Variants in PTGER3 observed in about 807,000 individuals in gnomAD.
The protein encoded by PTGER3 is prostaglandin E receptor 3.
In PTGER3, 22 loss-of-function variants were observed where a neutral mutation model predicts 34.7. The ratio of observed to expected loss-of-function variants is 0.63; its 90% CI spans 0.45 to 0.91. The LOEUF (loss-of-function observed/expected upper bound fraction) is 0.91, where lower values mean the gene tolerates loss of function less well. Ranked by LOEUF, PTGER3 falls within the 40% of genes least tolerant of loss-of-function variation. The probability of loss-of-function intolerance (pLI) is 0.00; values close to 1 mark genes in which losing one functional copy is unlikely to be tolerated. For synonymous variants in PTGER3, 241 were observed against 230.1 expected, an observed-to-expected ratio of 1.05 and a Z score of -0.43; for missense variants, 468 against 519.4, an observed-to-expected ratio of 0.90 and a Z score of 0.96.
chr1:70,976,290 C>CAGCAAATGTTTGGAATT (rs1653691744), intron 2 of PTGER3, among the ~76,000 whole-genome samples: 1 of 152,000 alleles, frequency 6.6e-6, no homozygotes, highest in Non-Finnish European at 1.5e-5. Flanking sequence ...TTTTTCCAAA[C>CAGCAAATGTTTGGAATT]CCATGGAATG....
chr1:70,853,007 C>G, intron 4 of PTGER3: 1 of 953,524 alleles, frequency 1.0e-6, no homozygotes. Flanking sequence ...AGAACAAGAA[C>G]AAGAACGAAG....
intron 4 of PTGER3, among the ~76,000 whole-genome samples, chr1:70,921,694 CT>C (rs1269469816): frequency 1.3e-5 from 2 of 152,132 alleles, no homozygotes; most frequent in African/African-American, 4.8e-5. Context: ...AAGTTTCCCT[CT>C]TGTCTCTTGT....
intron 4 of PTGER3, among the ~76,000 whole-genome samples, chr1:70,885,635 T>C (rs1189036126): frequency 6.6e-6 from 1 of 152,110 alleles, no homozygotes; most frequent in Non-Finnish European, 1.5e-5. Context: ...CAAGGATGAA[T>C]TTAGAAACTT....
intron 4 of PTGER3, among the ~76,000 whole-genome samples, chr1:70,925,803 G>T (rs905233061): frequency 1.3e-5 from 2 of 152,164 alleles, no homozygotes; most frequent in Non-Finnish European, 2.9e-5. Flanking sequence ...AGATGAAACA[G>T]TTCTGGCAAT....
intron 2 of PTGER3, among the ~76,000 whole-genome samples, chr1:70,960,641 A>T (rs1651836638): frequency 6.6e-6 from 1 of 152,142 alleles, no homozygotes; most frequent in African/African-American, 2.4e-5. Flanking sequence ...GCAAAGAAGC[A>T]AGAGGATCAA....
chr1:71,044,415 GT>G (rs1163142768), intron 1 of PTGER3, among the ~76,000 whole-genome samples: 11 of 111,290 alleles, frequency 9.9e-5, no homozygotes, highest in Non-Finnish European at 1.3e-4. Flanking sequence ...CCAGCCTGGA[GT>G]TTTTTTTTTT....
chr1:70,924,620 T>C (rs1032769736), intron 4 of PTGER3, among the ~76,000 whole-genome samples: 9 of 152,194 alleles, frequency 5.9e-5, no homozygotes, highest in South Asian at 4.1e-4. Flanking sequence ...TAATTTTGTT[T>C]ACTTGAGAAA....
chr1:70,934,359 T>C (rs890472690), intron 4 of PTGER3, among the ~76,000 whole-genome samples: 5 of 152,182 alleles, frequency 3.3e-5, no homozygotes, highest in African/African-American at 7.2e-5. Flanking sequence ...ATATGCATCA[T>C]CACGAAGATG....
intron 4 of PTGER3, among the ~76,000 whole-genome samples, chr1:70,859,164 A>G (rs930923965): frequency 1.3e-5 from 2 of 152,190 alleles, no homozygotes; most frequent in African/African-American, 4.8e-5. Flanking sequence ...AGATGCTCCT[A>G]TTCTCATGCT....
intron 4 of PTGER3, among the ~76,000 whole-genome samples, chr1:70,895,049 C>A (rs957401382): frequency 3.9e-5 from 6 of 152,178 alleles, no homozygotes; most frequent in Non-Finnish European, 1.5e-5. Flanking sequence ...CCTGCTGTCA[C>A]CAAATGACTC....
chr1:70,939,861 C>A (rs537648188), intron 4 of PTGER3, among the ~76,000 whole-genome samples: 1 of 152,202 alleles, frequency 6.6e-6, no homozygotes, highest in African/African-American at 2.4e-5. Context: ...CTCACATAGC[C>A]TGGAGACATT....
chr1:70,908,182 CG>C (rs1292785643), intron 4 of PTGER3, among the ~76,000 whole-genome samples: 1 of 152,088 alleles, frequency 6.6e-6, no homozygotes, highest in Non-Finnish European at 1.5e-5. Flanking sequence ...AAGGTGTCCC[CG>C]AGGAGACAAT....
At chr1:71,009,705 C>G in intron 2 of PTGER3, 1 of 985,156 alleles carries the variant, frequency 1.0e-6, no homozygotes, top group Non-Finnish European at 1.2e-6. Context: ...TGTCTTTTAA[C>G]CAATACTTCA....
intron 4 of PTGER3, among the ~76,000 whole-genome samples, chr1:70,894,805 A>T (rs1226131745): frequency 6.6e-6 from 1 of 152,204 alleles, no homozygotes; most frequent in South Asian, 2.1e-4. Flanking sequence ...ATTGTATAGG[A>T]GATAAAACTA....
intron 1 of PTGER3, among the ~76,000 whole-genome samples, chr1:71,025,388 C>G (rs1445790277): frequency 3.3e-5 from 5 of 151,770 alleles, no homozygotes; most frequent in African/African-American, 1.2e-4. Flanking sequence ...TATATTGAAT[C>G]TATAAGAGGA....
rs1348655352 is a variant in PTGER3 at position 71,040,106 on chromosome 1, A to AAGAG, written c.897+6574_897+6575insCTCT. On this transcript the variant is annotated intron_variant, in intron 1 of 3. Transcript: ENST00000306666. ...GAAGAAAGAAAGAAAGAAGGAAAGA[A>AAGAG]AGAAAGAAAGAAAAAAAAGAAAGAG... is the stretch of plus-strand genomic sequence containing the variant. Among the ~76,000 whole-genome samples, 556 of 151,804 alleles carry AAGAG rather than the reference A, an allele frequency of 3.7e-3. 5 individuals are homozygous for AAGAG. The highest frequency in any genetic ancestry group is 0.013 in the African/African-American group (529 of 41,338).
At chr1:70,953,615 G>T in intron 3 of PTGER3, 3 of 1,174,366 alleles carry the variant, frequency 2.6e-6, no homozygotes, top group Non-Finnish European at 2.3e-6. Context: ...CCTAATCTTT[G>T]TGACTGGGAT....
chr1:70,894,978 T>C (rs1646695127), intron 4 of PTGER3, among the ~76,000 whole-genome samples: 1 of 152,160 alleles, frequency 6.6e-6, no homozygotes, highest in South Asian at 2.1e-4. Context: ...TCTCTTGACA[T>C]CTCACTGAGT....
Position 71,047,770 on chromosome 1 carries a change from G to T in PTGER3, c.-193C>A. 1 of 466,056 alleles carries T rather than the reference G, an allele frequency of 2.1e-6. No individual in the cohort carries two copies. The highest frequency in any genetic ancestry group is 3.4e-6 in the Non-Finnish European group (1 of 297,014). The allele number at this position is 466,056 out of a possible 1,614,324, so 28.9% of individuals were successfully genotyped here. A position where few individuals can be genotyped will look rare whatever the true frequency, so the allele number is the denominator to read the frequency against. ...CGGCGGCGCCAGGGCTCACTGGCCC[G>T]GGAGGGAGCCACGCCTTCCTCTCTG... is the stretch of plus-strand genomic sequence containing the variant. On this transcript the variant is annotated 5_prime_UTR_variant, in exon 1 of 4. Transcript: ENST00000306666.
Sources: allele counts gnomAD v4.1 joint callset (sites outside exome capture counted in the v4.1 genomes callset), GRCh38; gene constraint gnomAD v4.1.1; transcripts MANE v1.5; gene names NCBI Gene and HGNC (gene_info 2026-07-23, HGNC 2026-07-21).